EHMT2: variants seen among roughly 807,000 people sequenced by gnomAD.
The protein encoded by EHMT2 is euchromatic histone lysine methyltransferase 2, also known as histone-lysine N-methyltransferase EHMT2.
Under a neutral mutation model 143.3 loss-of-function variants are expected in EHMT2, and 59 were observed. The ratio of observed to expected loss-of-function variants is 0.41; its 90% CI spans 0.33 to 0.51. The LOEUF is 0.51. Ranked by LOEUF, EHMT2 falls within the 20% of genes least tolerant of loss-of-function variation. The pLI, the probability that EHMT2 is intolerant of heterozygous loss-of-function variation, is 0.18. For missense variants in EHMT2, 1,174 were observed against 1,645.9 expected (o/e 0.71, Z 4.96); for synonymous variants, 604 against 651.5 (o/e 0.93, Z 1.11).
rs1764049653 is a variant in EHMT2 at position 31,881,117 on chromosome 6, TG to T, written c.3198-26del. 2.5e-6 allele frequency: 4 copies of T among 1,603,336 alleles called. No homozygotes were observed. The highest frequency in any genetic ancestry group is 3.4e-6 in the Non-Finnish European group (4 of 1,171,474). ...CCTGTGGGACAGGAATCCATGGTTC[TG>T]AAGGTGAGTGTGGGCTATTAGGAGG... On this transcript the variant is annotated intron_variant, in intron 25 of 27. Transcript: ENST00000375537. This position sits in a 1 kb window ranked among gnomAD's most constrained non-coding sequence, Gnocchi z 4.8.
Position 31,888,525 on chromosome 6 carries a change from G to T in EHMT2, c.1366-19C>A. On this transcript the variant is annotated intron_variant, in intron 11 of 27. Coordinates refer to ENST00000375537, the Ensembl canonical transcript of EHMT2. The surrounding 1 kb of genome is among the most constrained non-coding windows in gnomAD (Gnocchi z 7.4). ...CTGACAGCTGTGCGCAGTGAGGATG[G>T]GTGAGAAGAGAGCGTGAGGCTGGGG... is the stretch of plus-strand genomic sequence containing the variant. The T allele has an allele frequency of 6.2e-7, 1 of 1,611,132 alleles. No homozygotes were observed. Among genetic ancestry groups the T allele is most frequent in the Non-Finnish European group, 8.5e-7 (1 of 1,179,088 alleles).
rs535331544 is a variant in EHMT2 at position 31,896,095 on chromosome 6, G to A, written c.582+168C>T. 231 of 900,868 alleles carry A rather than the reference G, an allele frequency of 2.6e-4. 4 individuals are homozygous for A. In the South Asian group the frequency reaches 3.9e-3, roughly 15 times the overall value. 55.8% of individuals were successfully genotyped at this position (900,868 alleles called of 1,614,324 possible). A position where few individuals can be genotyped will look rare whatever the true frequency, so the allele number is the denominator to read the frequency against. ...CAAGAATGTAAACTGCAGGAAGAGA[G>A]GAACCTGTCTGTTGGTTCACAGATC... On this transcript the variant is annotated intron_variant, in intron 4 of 27. Coordinates refer to ENST00000375537, the Ensembl canonical transcript of EHMT2.
chr6:31,894,534 C>T (rs542572219), intron 4 of EHMT2, among the ~76,000 whole-genome samples: 6 of 151,940 alleles, frequency 3.9e-5, no homozygotes, highest in South Asian at 2.1e-4. Flanking sequence ...CCTCCCGCCT[C>T]GGCCTCCAAA....
rs608118 is a variant in EHMT2, at chr6:31,886,587, G to A, written c.2337C>T (p.Asn779=). The change falls in exon 18 of 28, where the codon AAC becomes AAT. Residue 779 remains asparagine (N), a synonymous_variant. Coordinates refer to ENST00000375537, the Ensembl canonical transcript of EHMT2. Reference sequence around the variant, plus strand: ...GGCTGGGTGGGCCGCTGACCTGGGCGTTGACGTCCACCTGTCCTGTGCTCA... The same window carrying A: ...GGCTGGGTGGGCCGCTGACCTGGGCATTGACGTCCACCTGTCCTGTGCTCA... 5.5e-4 allele frequency: 888 copies of A among 1,611,924 alleles called. 4 individuals carry two copies. The African/African-American group carries it at 8.8e-3, about 16-fold the overall frequency.
chr6:31,893,142 T>C (rs1434830836), intron 4 of EHMT2: 1 of 543,370 alleles, frequency 1.8e-6, no homozygotes, highest in Admixed American at 3.5e-5. Flanking sequence ...TTTTCCATTT[T>C]ACAGATGAGA....
chr6:31,887,478 G>A (rs1280687088), intron 15 of EHMT2, 99 bp downstream of exon 15: 7 of 1,071,330 alleles, frequency 6.5e-6, no homozygotes, highest in African/African-American at 1.6e-5. Flanking sequence ...TCAGGGCAAG[G>A]ACTGTGTCCT....
chr6:31,884,300 G>T lies in EHMT2; in HGVS notation c.2771+92C>A. On this transcript the variant is annotated intron_variant, in intron 21 of 27. Coordinates refer to ENST00000375537, the Ensembl canonical transcript of EHMT2. The surrounding 1 kb of genome is among the most constrained non-coding windows in gnomAD (Gnocchi z 7.3). Reference sequence around the variant, plus strand: ...GGGATTCAGTGGTGCATGGGGAGGGGTTGGGGAATGTTGTGAGGATGCAAT... The same window carrying T: ...GGGATTCAGTGGTGCATGGGGAGGGTTTGGGGAATGTTGTGAGGATGCAAT... 7.0e-7 allele frequency: 1 copy of T among 1,432,100 alleles called. No homozygotes were observed. The highest frequency in any genetic ancestry group is 9.4e-7 in the Non-Finnish European group (1 of 1,059,412). The allele number at this position is 1,432,100 out of a possible 1,614,324, so 88.7% of individuals were successfully genotyped here. A position where few individuals can be genotyped will look rare whatever the true frequency, so the allele number is the denominator to read the frequency against.
At chr6:31,897,570 C>T in intron 1 of EHMT2, 66 bp downstream of exon 1, 2 of 1,110,606 alleles carry the variant, frequency 1.8e-6, no homozygotes, top group Non-Finnish European at 2.2e-6. Context: ...GAGCATTGCA[C>T]GGGCGCGCGC....
At chr6:31,885,106 A>G in intron 18 of EHMT2, 90 bp from the exon 19 acceptor site, 1 of 1,455,978 alleles carries the variant, frequency 6.9e-7, no homozygotes, top group Non-Finnish European at 9.2e-7. Flanking sequence ...TGTGAATCCC[A>G]GCTCCACCAT....
chr6:31,888,914 C>G lies in EHMT2; in HGVS notation c.1216+55G>C. ...GCGTGGTTCCCCTCCTTCCCTTTCC[C>G]TCCTGCCCTGAGGTCGCCCCCTAGT... On this transcript the variant is annotated intron_variant, in intron 10 of 27. Transcript: ENST00000375537. The surrounding 1 kb of genome is among the most constrained non-coding windows in gnomAD (Gnocchi z 7.4). 6.5e-7 allele frequency: 1 copy of G among 1,537,204 alleles called. No individual in the cohort carries two copies. The highest frequency in any genetic ancestry group is 8.8e-7 in the Non-Finnish European group (1 of 1,131,696).
At chr6:31,887,160 G>A (rs1316723925) in intron 15 of EHMT2, 59 bp from the exon 16 acceptor site, 2 of 1,422,518 alleles carry the variant, frequency 1.4e-6, no homozygotes, top group Non-Finnish European at 1.9e-6. Context: ...CAAGCTAGGG[G>A]GCAGGTGGCA....
rs779401050 is a variant in EHMT2, at chr6:31,892,906, G to A, written c.587C>T (p.Pro196Leu). Residue 196 changes from proline to leucine, a missense_variant, in exon 5 of 28, where the codon CCG (proline) becomes CTG (leucine). Transcript: ENST00000375537. ...TTCAGGGGGCCGCTTCTCAGGGACC[G>A]GGGGCTGTGGGCCGAGAGGGAGCAC... is the stretch of plus-strand genomic sequence containing the variant. 77 of 1,565,642 alleles carry A rather than the reference G, an allele frequency of 4.9e-5. No individual in the cohort carries two copies. Among genetic ancestry groups the A allele is most frequent in the Non-Finnish European group, 6.1e-5 (71 of 1,154,750 alleles).
intron 4 of EHMT2, 100 bp downstream of exon 4, chr6:31,896,163 A>G: frequency 6.7e-7 from 1 of 1,493,678 alleles, no homozygotes; most frequent in South Asian, 1.3e-5. Flanking sequence ...CCTTGCTTAA[A>G]TATGTGAATG....
exon 1 of EHMT2, chr6:31,897,649 G>C: frequency 1.7e-6 from 2 of 1,164,322 alleles, no homozygotes; most frequent in Non-Finnish European, 2.1e-6. Context: ...GGCGGCCGCC[G>C]CCGCTGCAGC....
intron 15 of EHMT2, 106 bp downstream of exon 15, chr6:31,887,471 G>A (rs1305685601): frequency 3.0e-6 from 3 of 996,074 alleles, no homozygotes; most frequent in Non-Finnish European, 4.6e-6. Context: ...AAGTCCTTCA[G>A]GGCAAGGACT....
Position 31,880,589 on chromosome 6 carries a change from C to T in EHMT2, c.3452+84G>A. The T allele has an allele frequency of 4.9e-6, 7 of 1,436,610 alleles. No homozygotes were observed. The South Asian group carries it at 7.3e-5, about 15-fold the overall frequency. The allele number at this position is 1,436,610 out of a possible 1,614,324, so 89.0% of individuals were successfully genotyped here. A position where few individuals can be genotyped will look rare whatever the true frequency, so the allele number is the denominator to read the frequency against. ...CTCTGCACTACTCCATGCCTGGACA[C>T]CAGGTACATGCCAGCCTTCAGGTCC... On this transcript the variant is annotated intron_variant, in intron 27 of 27. Transcript: ENST00000375537. This position sits in a 1 kb window ranked among gnomAD's most constrained non-coding sequence, Gnocchi z 6.6.
chr6:31,897,590 G>A, intron 1 of EHMT2, 46 bp downstream of exon 1: 1 of 1,110,346 alleles, frequency 9.0e-7, no homozygotes, highest in South Asian at 4.3e-5. Flanking sequence ...CTTCCCCCGG[G>A]CGCGCGCGCG....
At chr6:31,893,343 T>G (rs760509091) in intron 4 of EHMT2, 1 of 448,060 alleles carries the variant, frequency 2.2e-6, no homozygotes, top group South Asian at 1.6e-5. Flanking sequence ...TTTTAAGAGA[T>G]AAGGTCTCAT....
chr6:31,897,666 C>G, exon 1 of EHMT2: 1 of 1,165,450 alleles, frequency 8.6e-7, no homozygotes, highest in Non-Finnish European at 1.1e-6. Flanking sequence ...CAGCTCCCGC[C>G]GCCGCCGCCA....
Sources: allele counts gnomAD v4.1 joint callset (sites outside exome capture counted in the v4.1 genomes callset), GRCh38; gene constraint gnomAD v4.1.1; non-coding constraint Gnocchi (gnomAD v3.1); transcripts MANE v1.5; gene names NCBI Gene and HGNC (gene_info 2026-07-23, HGNC 2026-07-21).